CSF2RB: variants seen among roughly 807,000 people sequenced by gnomAD.
CSF2RB encodes the protein cytokine receptor common subunit beta.
Under a neutral mutation model 67.2 loss-of-function variants are expected in CSF2RB, and 22 were observed. That is an observed-to-expected ratio of 0.33 (90% CI 0.23 to 0.47). CSF2RB has a LOEUF of 0.47. Among genes scored for constraint, CSF2RB ranks in the 20% least tolerant of loss-of-function variants. CSF2RB has a pLI of 1.00. For synonymous variants in CSF2RB, 507 were observed against 482.9 expected (o/e 1.05, Z -0.65); for missense variants, 1,113 against 1,174.5 (o/e 0.95, Z 0.76).
intron 3 of CSF2RB, 137 bp downstream of exon 3, chr22:36,923,504 G>A: frequency 7.3e-7 from 1 of 1,362,562 alleles, no homozygotes; most frequent in Non-Finnish European, 1.0e-6. Context: ...GAGGAGGGAG[G>A]CCCTGCAAGA....
chr22:36,918,504 A>G (rs1341534132), intron 1 of CSF2RB, among the ~76,000 whole-genome samples: 2 of 152,214 alleles, frequency 1.3e-5, no homozygotes, highest in Admixed American at 6.5e-5. Context: ...GGCTTTATTA[A>G]AAGGAATCTT....
chr22:36,916,077 T>A (rs996020860), intron 1 of CSF2RB, among the ~76,000 whole-genome samples: 2 of 152,256 alleles, frequency 1.3e-5, no homozygotes, highest in Non-Finnish European at 2.9e-5. Context: ...ATGTTTAAGA[T>A]GTCTTATGTC....
At chr22:36,933,456 C>G (rs2033685789) in intron 9 of CSF2RB, among the ~76,000 whole-genome samples, 1 of 152,156 alleles carries the variant, frequency 6.6e-6, no homozygotes, top group African/African-American at 2.4e-5. Context: ...GGGTCCTGAA[C>G]CCCCATTCTC....
intron 10 of CSF2RB, 148 bp from the exon 11 acceptor site, chr22:36,935,203 C>T: frequency 1.3e-6 from 1 of 759,728 alleles, no homozygotes. Flanking sequence ...TGGCCTCTCT[C>T]CCCTAATCCC....
At position 36,935,677 on chromosome 22, in the gene CSF2RB, A is replaced by G. The variant is rs762312728; in HGVS notation, c.1454A>G (p.His485Arg). 16 of 1,614,042 alleles carry G rather than the reference A, an allele frequency of 9.9e-6. No individual in the cohort carries two copies. Among genetic ancestry groups the G allele is most frequent in the Non-Finnish European group, 1.3e-5 (15 of 1,179,982 alleles). Residue 485 changes from histidine (H) to arginine (R), a missense_variant, in exon 12 of 14, where the codon CAC (histidine) becomes CGC (arginine). Transcript: ENST00000403662. ...AAGATCCCCAACCCCAGCAAGAGCC[A>G]CCTGTTCCAGGTAGGAACTGGCTGC... The part of the protein sequence containing the change: ...EEKIPNPSKS[H>R]LFQNGSAELW...
rs938141035 is a variant in CSF2RB at position 36,923,891 on chromosome 22, C to T, written c.200+524C>T. On this transcript the variant is annotated intron_variant, in intron 3 of 13. Transcript: ENST00000403662. ...TGTGGACGTGTCTGGGAGGGGGCTC[C>T]GCGCTCTCCCAGGCCCCCCCTCCGT... The T allele has an allele frequency of 9.1e-5, 76 of 837,326 alleles. 1 individual carries two copies. The highest frequency in any genetic ancestry group is 2.6e-4 in the African/African-American group (15 of 56,966). The allele number at this position is 837,326 out of a possible 1,614,324, so 51.9% of individuals were successfully genotyped here. A position where few individuals can be genotyped will look rare whatever the true frequency, so the allele number is the denominator to read the frequency against.
Position 36,938,039 on chromosome 22 carries a change from T to G in CSF2RB, c.2231T>G (p.Leu744Ter), listed in dbSNP as rs148643829. The G allele has an allele frequency of 1.3e-5, 21 of 1,613,862 alleles. No homozygotes were observed. The highest frequency in any genetic ancestry group is 1.6e-5 in the Non-Finnish European group (19 of 1,179,982). The change falls in exon 14 of 14, where the codon TTA (leucine) becomes TGA (stop). Residue 744 changes from leucine to a stop codon, truncating the protein, a stop_gained. Coordinates refer to ENST00000403662, the MANE Select transcript of CSF2RB (RefSeq NM_000395.3). LOFTEE classifies it low-confidence loss of function (END_TRUNC). ...LGLPSDQTPS[L>*]CPGLASGPPG... The stretch of plus-strand genomic sequence containing the variant: ...CTCCCCTCAGACCAGACCCCCAGCT[T>G]ATGTCCTGGGCTGGCCAGTGGACCC...
At chr22:36,933,145 C>A (rs1444190375) in intron 9 of CSF2RB, among the ~76,000 whole-genome samples, 1 of 152,176 alleles carries the variant, frequency 6.6e-6, no homozygotes, top group Non-Finnish European at 1.5e-5. Context: ...GACCCTGAGT[C>A]CCCAGGCAAC....
chr22:36,937,876 G>T lies in CSF2RB; in HGVS notation c.2068G>T (p.Asp690Tyr). 1 of 1,614,088 alleles carries T rather than the reference G, an allele frequency of 6.2e-7. No homozygotes were observed. ...GPRVGGQDQKDSPVAIPMSSG... is the reference protein window; with the variant it reads ...GPRVGGQDQKYSPVAIPMSSG... ...AAGGGTGGGAGGACAGGACCAAAAG[G>T]ACAGCCCTGTGGCTATACCCATGAG... Residue 690 changes from aspartate to tyrosine, a missense_variant, in exon 14 of 14, where the codon GAC (aspartate) becomes TAC (tyrosine). Coordinates refer to ENST00000403662, the MANE Select transcript of CSF2RB (RefSeq NM_000395.3). This position sits in a 1 kb window ranked among gnomAD's most constrained non-coding sequence, Gnocchi z 4.6.
At chr22:36,924,843 T>A (rs1471592028) in intron 3 of CSF2RB, among the ~76,000 whole-genome samples, 1 of 152,078 alleles carries the variant, frequency 6.6e-6, no homozygotes, top group Non-Finnish European at 1.5e-5. Context: ...CTCCTCTTTC[T>A]CCTTGTCTGC....
intron 12 of CSF2RB, among the ~76,000 whole-genome samples, 154 bp from the exon 13 acceptor site, chr22:36,936,395 C>T (rs1388248967): frequency 6.6e-6 from 1 of 152,148 alleles, no homozygotes; most frequent in Non-Finnish European, 1.5e-5. Flanking sequence ...CCTCACTTTG[C>T]TGGTGTCAAA....
In CSF2RB at chr22:36,938,700, C is replaced by T. The variant is rs552141786; in HGVS notation, c.*198C>T. 4.3e-4 allele frequency: 258 copies of T among 603,380 alleles called. No individual in the cohort carries two copies. The highest frequency in any genetic ancestry group is 6.8e-4 in the Non-Finnish European group (232 of 343,122). The allele number at this position is 603,380 out of a possible 1,614,324, so 37.4% of individuals were successfully genotyped here. On this transcript the variant is annotated 3_prime_UTR_variant, in exon 14 of 14. Coordinates refer to ENST00000403662, the MANE Select transcript of CSF2RB (RefSeq NM_000395.3). ...CTCCCTGCGCTCACACAGACACACACACACACACGTACATGCACACATTTT... is the reference window on the plus strand; with the variant it reads ...CTCCCTGCGCTCACACAGACACACATACACACACGTACATGCACACATTTT...
At position 36,937,924 on chromosome 22, in the gene CSF2RB, G is replaced by C. The variant is rs1158856531; in HGVS notation, c.2116G>C (p.Gly706Arg). Reference sequence around the variant, plus strand: ...GAGCTCTGGGGACACTGAGGACCCTGGAGTGGCCTCTGGTTATGTCTCCTC... The same window carrying C: ...GAGCTCTGGGGACACTGAGGACCCTCGAGTGGCCTCTGGTTATGTCTCCTC... ...PMSSGDTEDP[G>R]VASGYVSSAD... Residue 706 changes from glycine to arginine, a missense_variant, in exon 14 of 14, where the codon GGA (glycine) becomes CGA (arginine). Transcript: ENST00000403662. The surrounding 1 kb of genome is among the most constrained non-coding windows in gnomAD (Gnocchi z 4.6). 6.2e-7 allele frequency: 1 copy of C among 1,614,142 alleles called. No homozygotes were observed. The highest frequency in any genetic ancestry group is 8.5e-7 in the Non-Finnish European group (1 of 1,180,004).
intron 2 of CSF2RB, 43 bp downstream of exon 2, chr22:36,922,326 A>G (rs1192552798): frequency 1.3e-6 from 2 of 1,534,810 alleles, no homozygotes; most frequent in Admixed American, 1.9e-5. Context: ...CCCTGTCCTC[A>G]CTGCTGCACC....
intron 12 of CSF2RB, 95 bp downstream of exon 12, chr22:36,935,782 G>A (rs1941254204): frequency 7.3e-7 from 1 of 1,377,876 alleles, no homozygotes; most frequent in Non-Finnish European, 1.0e-6. Context: ...TGTGGGCTTT[G>A]GGTGGTAGGG....
Position 36,922,154 on chromosome 22 carries a change from C to T in CSF2RB, c.-54C>T, listed in dbSNP as rs1052865519. On this transcript the variant is annotated 5_prime_UTR_variant, in exon 2 of 14. Coordinates refer to ENST00000403662, the MANE Select transcript of CSF2RB (RefSeq NM_000395.3). ...AGGACACTAAGGACCCTGTCATGCC[C>T]ATGGCCAGCACCCACCAGTGCTGGT... The T allele has an allele frequency of 6.0e-6, 9 of 1,496,332 alleles. No individual in the cohort carries two copies. Among genetic ancestry groups the T allele is most frequent in the Non-Finnish European group, 8.2e-6 (9 of 1,101,668 alleles). 92.7% of individuals were successfully genotyped at this position (1,496,332 alleles called of 1,614,324 possible). A position where few individuals can be genotyped will look rare whatever the true frequency, so the allele number is the denominator to read the frequency against.
intron 4 of CSF2RB, among the ~76,000 whole-genome samples, chr22:36,928,816 C>T (rs914012500): frequency 8.5e-5 from 13 of 152,220 alleles, no homozygotes; most frequent in Non-Finnish European, 1.5e-4. Context: ...CCCCCATCTC[C>T]TCACACCTTA....
rs1941351487 is a variant in CSF2RB, at chr22:36,939,900, G to A, written c.*1398G>A. The A allele has an allele frequency of 6.6e-6, 1 of 152,228 alleles. No individual in the cohort carries two copies. The highest frequency in any genetic ancestry group is 2.4e-5 in the African/African-American group (1 of 41,456). The allele number at this position is 152,228 out of a possible 1,614,324, so 9.4% of individuals were successfully genotyped here. On this transcript the variant is annotated 3_prime_UTR_variant, in exon 14 of 14. Transcript: ENST00000403662. ...AAAGGTCCTCCCATTGCAAAGCAGTGTTTGTCCTAATTTATATATTGTTTT... is the reference window on the plus strand; with the variant it reads ...AAAGGTCCTCCCATTGCAAAGCAGTATTTGTCCTAATTTATATATTGTTTT...
intron 2 of CSF2RB, 47 bp downstream of exon 2, chr22:36,922,330 C>G: frequency 6.6e-7 from 1 of 1,526,620 alleles, no homozygotes; most frequent in Non-Finnish European, 8.9e-7. Context: ...GTCCTCACTG[C>G]TGCACCCTGG....
Sources: allele counts gnomAD v4.1 joint callset (sites outside exome capture counted in the v4.1 genomes callset), GRCh38; gene constraint gnomAD v4.1.1; non-coding constraint Gnocchi (gnomAD v3.1); transcripts MANE v1.5; gene names NCBI Gene and HGNC (gene_info 2026-07-23, HGNC 2026-07-21).